POLR2D: variants seen among roughly 807,000 people sequenced by gnomAD.
The protein encoded by POLR2D is DNA-directed RNA polymerase II subunit RPB4.
A neutral mutation model predicts 17.6 loss-of-function variants in POLR2D; 10 were observed. The observed-to-expected ratio is 0.57, with a 90% CI of 0.35 to 0.96. POLR2D has a LOEUF of 0.96. Among genes scored for constraint, POLR2D ranks in the 40% least tolerant of loss-of-function variants. The probability of loss-of-function intolerance (pLI) is 0.02; values close to 1 mark genes in which losing one functional copy is unlikely to be tolerated. For missense variants in POLR2D, 126 were observed against 176.4 expected, an observed-to-expected ratio of 0.71 and a Z score of 1.62; for synonymous variants, 52 against 60.2, an observed-to-expected ratio of 0.86 and a Z score of 0.63.
In POLR2D at chr2:127,852,974, C is replaced by T; in HGVS notation, c.205G>A (p.Ala69Thr). 6.2e-7 allele frequency: 1 copy of T among 1,614,032 alleles called. No individual in the cohort carries two copies. The highest frequency in any genetic ancestry group is 1.7e-5 in the Admixed American group (1 of 60,014). The change falls in exon 2 of 4, where the codon GCC (alanine) becomes ACC (threonine). Residue 69 changes from alanine to threonine, a missense_variant. By Grantham distance (58) the Ala-to-Thr change is moderately conservative (BLOSUM62 0). Coordinates refer to ENST00000272645, the MANE Select transcript of POLR2D (RefSeq NM_004805.4). This position sits in a 1 kb window ranked among gnomAD's most constrained non-coding sequence, Gnocchi z 4.0. ...CTGTTTTTGAAACGACTGAAACGGG[C>T]TGTGTAGTTTAATGTTTTCATGAAG... ...EVFMKTLNYT[A>T]RFSRFKNRET...
intron 1 of POLR2D, among the ~76,000 whole-genome samples, chr2:127,856,316 G>A (rs982949671): frequency 9.7e-5 from 3 of 30,848 alleles, no homozygotes; most frequent in African/African-American, 2.2e-4. Flanking sequence ...AAAAGGCAGG[G>A]TGAGGTGGCT....
rs1690137933 is a variant in POLR2D, at chr2:127,845,400, A to G, written c.*2707T>C. ...TTTTTTTTTTTTTTTTTTTTGAGACAGTTTCGCTCTTGTTGCCTAGGCTGG... is the reference window on the plus strand; with the variant it reads ...TTTTTTTTTTTTTTTTTTTTGAGACGGTTTCGCTCTTGTTGCCTAGGCTGG... On this transcript the variant is annotated 3_prime_UTR_variant, in exon 4 of 4. Coordinates refer to ENST00000272645, the MANE Select transcript of POLR2D (RefSeq NM_004805.4). The G allele has an allele frequency of 3.5e-5, 2 of 56,950 alleles. No individual in the cohort carries two copies. The highest frequency in any genetic ancestry group is 3.8e-5 in the Non-Finnish European group (1 of 26,290). The allele number at this position is 56,950 out of a possible 1,614,324, so 3.5% of individuals were successfully genotyped here.
In POLR2D at chr2:127,856,290, CAAAAAA is replaced by C. The variant is rs61249327; in HGVS notation, c.73+1732_73+1737del. 6.7e-4 allele frequency among the ~76,000 whole-genome samples: 17 copies of C among 25,404 alleles called. 3 individuals carry two copies. The East Asian group carries it at 0.033, about 50-fold the overall frequency. The allele number at this position is 25,404 out of a possible 152,430, so 16.7% of individuals were successfully genotyped here. ...TAGGTAGCAGAATGAGATCCCGTCT[CAAAAAA>C]AAAAAAAAAAAAAGGCAGGGTGAGG... On this transcript the variant is annotated intron_variant, in intron 1 of 3. Transcript: ENST00000272645.
chr2:127,855,985 T>C (rs1468061891), intron 1 of POLR2D, among the ~76,000 whole-genome samples: 1 of 152,106 alleles, frequency 6.6e-6, no homozygotes, highest in Non-Finnish European at 1.5e-5. Context: ...GGATACGTCA[T>C]TACGACCATT....
In POLR2D at chr2:127,844,107, C is replaced by CAAAAAAAAAAAAAAAAAAAAAAAA. The variant is rs76109896; in HGVS notation, c.*3999_*4000insTTTTTTTTTTTTTTTTTTTTTTTT. 1.4e-5 allele frequency: 1 copy of CAAAAAAAAAAAAAAAAAAAAAAAA among 69,474 alleles called. No homozygotes were observed. The highest frequency in any genetic ancestry group is 6.4e-5 in the African/African-American group (1 of 15,636). 4.3% of individuals were successfully genotyped at this position (69,474 alleles called of 1,614,324 possible). A position where few individuals can be genotyped will look rare whatever the true frequency, so the allele number is the denominator to read the frequency against. ...CGACAGAGCAAGATCCTGCTGTATC[C>CAAAAAAAAAAAAAAAAAAAAAAAA]AAAAAAAAAAAAAAAAAAAGCCTGG... On this transcript the variant is annotated 3_prime_UTR_variant, in exon 4 of 4. Transcript: ENST00000272645.
intron 3 of POLR2D, among the ~76,000 whole-genome samples, chr2:127,850,168 C>T (rs1037139174): frequency 3.9e-5 from 6 of 152,056 alleles, no homozygotes; most frequent in African/African-American, 2.4e-5. Context: ...TGGCTGGGCA[C>T]GGTGGCTCAC....
chr2:127,852,498 A>C lies in POLR2D; in HGVS notation c.254+427T>G, dbSNP rs565773612. On this transcript the variant is annotated intron_variant, in intron 2 of 3. Transcript: ENST00000272645. The surrounding 1 kb of genome is among the most constrained non-coding windows in gnomAD (Gnocchi z 4.0). The stretch of plus-strand genomic sequence containing the variant: ...TGGCCTCAAGAGACTGGTCCACCTC[A>C]GCTCCACAAAGTGTGGATTACAGGT... Among the ~76,000 whole-genome samples the C allele has an allele frequency of 7.0e-4, 107 of 152,192 alleles. No homozygotes were observed. The highest frequency in any genetic ancestry group is 3.4e-3 in the Middle Eastern group (1 of 294).
At chr2:127,857,860 C>G (rs1460433961) in intron 1 of POLR2D, 168 bp downstream of exon 1, 2 of 1,334,554 alleles carry the variant, frequency 1.5e-6, no homozygotes, top group African/African-American at 3.1e-5. Context: ...GCGGTCCCTC[C>G]CAAGGCCATG....
Position 127,853,175 on chromosome 2 carries a change from G to T in POLR2D, c.74-70C>A, listed in dbSNP as rs1573520035. 5.0e-6 allele frequency: 6 copies of T among 1,198,092 alleles called. No homozygotes were observed. The East Asian group carries it at 1.4e-4, about 28-fold the overall frequency. The allele number at this position is 1,198,092 out of a possible 1,614,324, so 74.2% of individuals were successfully genotyped here. A position where few individuals can be genotyped will look rare whatever the true frequency, so the allele number is the denominator to read the frequency against. Reference sequence around the variant, plus strand: ...AAGTTTGCTTCTAAATGTTCACTGTGCATTTGAACATTTCTCTGCCCCTGC... The same window carrying T: ...AAGTTTGCTTCTAAATGTTCACTGTTCATTTGAACATTTCTCTGCCCCTGC... On this transcript the variant is annotated intron_variant, in intron 1 of 3. Transcript: ENST00000272645.
intron 1 of POLR2D, chr2:127,857,778 C>G (rs1051663164): frequency 1.8e-5 from 23 of 1,287,462 alleles, no homozygotes; most frequent in Middle Eastern, 2.9e-4. Flanking sequence ...CCTGAGTGTC[C>G]GGCTTTGTTT....
At chr2:127,857,874 C>T in intron 1 of POLR2D, 154 bp downstream of exon 1, 1 of 1,346,152 alleles carries the variant, frequency 7.4e-7, no homozygotes, top group Non-Finnish European at 9.5e-7. Context: ...GGCCATGGTC[C>T]CTCCCAAGGC....
At chr2:127,851,286 G>A (rs1690248605) in intron 2 of POLR2D, among the ~76,000 whole-genome samples, 1 of 152,142 alleles carries the variant, frequency 6.6e-6, no homozygotes, top group African/African-American at 2.4e-5. Context: ...GGGTGTGGTG[G>A]TGTGTGTCTG....
chr2:127,854,648 A>G (rs755750318), intron 1 of POLR2D, among the ~76,000 whole-genome samples: 4 of 152,218 alleles, frequency 2.6e-5, no homozygotes, highest in Admixed American at 6.5e-5. Flanking sequence ...AAAGGTACTC[A>G]TTGCTACTAA....
rs1345309346 is a variant in POLR2D at position 127,850,698 on chromosome 2, A to C, written c.255-13T>G. 6.6e-6 allele frequency: 1 copy of C among 150,376 alleles called. No homozygotes were observed. Among genetic ancestry groups the C allele is most frequent in the East Asian group, 1.4e-4 (1 of 7,364 alleles). The allele number at this position is 150,376 out of a possible 1,614,324, so 9.3% of individuals were successfully genotyped here. ...CTGGAGTAGCAAGCTAATCAAAAGGAAAAAAAAAAAATCAAAATAATCAAA... is the reference window on the plus strand; with the variant it reads ...CTGGAGTAGCAAGCTAATCAAAAGGCAAAAAAAAAAATCAAAATAATCAAA... On this transcript the variant is annotated splice_polypyrimidine_tract_variant and intron_variant, in intron 2 of 3. Coordinates refer to ENST00000272645, the MANE Select transcript of POLR2D (RefSeq NM_004805.4).
In POLR2D at chr2:127,847,668, C is replaced by T. The variant is rs1345143593; in HGVS notation, c.*439G>A. The T allele has an allele frequency of 2.4e-5, 4 of 166,416 alleles. No individual in the cohort carries two copies. The highest frequency in any genetic ancestry group is 5.2e-5 in the Non-Finnish European group (4 of 76,894). The allele number at this position is 166,416 out of a possible 1,614,324, so 10.3% of individuals were successfully genotyped here. A position where few individuals can be genotyped will look rare whatever the true frequency, so the allele number is the denominator to read the frequency against. On this transcript the variant is annotated 3_prime_UTR_variant, in exon 4 of 4. Coordinates refer to ENST00000272645, the MANE Select transcript of POLR2D (RefSeq NM_004805.4). Reference sequence around the variant, plus strand: ...AAAAAAAAGCATTTCAAACTAACAGCGGTTTAATTCTTCCTTTAGTATCTA... The same window carrying T: ...AAAAAAAAGCATTTCAAACTAACAGTGGTTTAATTCTTCCTTTAGTATCTA...
intron 3 of POLR2D, among the ~76,000 whole-genome samples, chr2:127,849,913 A>G (rs1237231136): frequency 1.3e-5 from 2 of 152,162 alleles, no homozygotes; most frequent in Non-Finnish European, 1.5e-5. Flanking sequence ...AATGAACACT[A>G]AAATATACGT....
In POLR2D at chr2:127,846,111, G is replaced by A. The variant is rs1448058612; in HGVS notation, c.*1996C>T. The A allele has an allele frequency of 6.6e-6, 1 of 152,124 alleles. No homozygotes were observed. Among genetic ancestry groups the A allele is most frequent in the Non-Finnish European group, 1.5e-5 (1 of 68,054 alleles). The allele number at this position is 152,124 out of a possible 1,614,324, so 9.4% of individuals were successfully genotyped here. A position where few individuals can be genotyped will look rare whatever the true frequency, so the allele number is the denominator to read the frequency against. ...TACTAAAAACACAAAAAATTAGCCA[G>A]GCGTGGTGGCAGGTACCTGTAATCC... On this transcript the variant is annotated 3_prime_UTR_variant, in exon 4 of 4. Transcript: ENST00000272645.
At chr2:127,850,440 C>CAA (rs60975701) in intron 3 of POLR2D, 150 bp downstream of exon 3, 2,821 of 106,598 alleles carry the variant, frequency 0.026, 35 homozygotes, top group South Asian at 0.05. Context: ...AACTCCGTCT[C>CAA]AAAAAAAAAA....
intron 1 of POLR2D, among the ~76,000 whole-genome samples, chr2:127,856,013 G>A (rs1348205476): frequency 2.0e-5 from 3 of 152,080 alleles, no homozygotes; most frequent in South Asian, 2.1e-4. Flanking sequence ...CAGGTGCAGT[G>A]GCTCACACCT....
Sources: gnomAD v4.1 joint callset for allele counts (sites outside exome capture counted in the v4.1 genomes callset) on GRCh38, gnomAD v4.1.1 for gene constraint, Gnocchi (gnomAD v3.1) non-coding constraint, MANE v1.5 for transcripts, NCBI Gene and HGNC (gene_info 2026-07-23, HGNC 2026-07-21) for gene names.